AOC2: variants seen among roughly 807,000 people sequenced by gnomAD.
The protein encoded by AOC2 is amine oxidase copper containing 2.
In AOC2, 57 loss-of-function variants were observed where a neutral mutation model predicts 53.8. The ratio of observed to expected loss-of-function variants is 1.06; its 90% CI spans 0.86 to 1.32. AOC2 has a LOEUF of 1.32. AOC2 is among the 40% of genes most tolerant of loss of function. AOC2 has a pLI of 0.00. For synonymous variants in AOC2, 404 were observed against 399.0 expected, an observed-to-expected ratio of 1.01 and a Z score of -0.15; for missense variants, 1,008 against 957.2, an observed-to-expected ratio of 1.05 and a Z score of -0.70.
At chr17:42,848,065 C>CTTTTTTTTTTTTTTTTTTTTTTTTTTT in intron 1 of AOC2, among the ~76,000 whole-genome samples, 1 of 101,344 alleles carries the variant, frequency 9.9e-6, no homozygotes, top group African/African-American at 5.4e-5. Flanking sequence ...CATGCCCGGC[C>CTTTTTTTTTTTTTTTTTTTTTTTTTTT]TTTTTTTTTT....
At chr17:42,846,801 G>A (rs960313311) in intron 1 of AOC2, among the ~76,000 whole-genome samples, 5 of 152,178 alleles carry the variant, frequency 3.3e-5, no homozygotes, top group Non-Finnish European at 1.5e-5. Context: ...TGCAAGTATG[G>A]AAAGAGATTT....
rs748910015 is a variant in AOC2, at chr17:42,844,965, C to T, written c.339C>T (p.Ser113=). 3 of 1,610,302 alleles carry T rather than the reference C, an allele frequency of 1.9e-6. No individual in the cohort carries two copies. The highest frequency in any genetic ancestry group is 1.3e-5 in the African/African-American group (1 of 75,032). Reference sequence around the variant, plus strand: ...CCCTGGCCCACCTGGACAGGGGGAGCCCCCCACCTGCCCGGGAGGCACTGG... The same window carrying T: ...CCCTGGCCCACCTGGACAGGGGGAGTCCCCCACCTGCCCGGGAGGCACTGG... The part of the protein sequence containing the change: ...AAALAHLDRG[S]PPPAREALAI... Residue 113 remains serine, a synonymous_variant, in exon 1 of 4, where the codon AGC becomes AGT. Coordinates refer to ENST00000253799, the MANE Select transcript of AOC2 (RefSeq NM_009590.4).
At chr17:42,848,957 GCA>G in intron 1 of AOC2, 127 bp from the exon 2 acceptor site, 2 of 1,055,978 alleles carry the variant, frequency 1.9e-6, no homozygotes. Flanking sequence ...CTGGCTCCCA[GCA>G]CAGTGTGCTC....
Position 42,844,927 on chromosome 17 carries a change from C to A in AOC2, c.301C>A (p.Pro101Thr), listed in dbSNP as rs2055578757. Reference protein sequence around the residue: ...CIFSVELQLPPKAAALAHLDR... With the variant: ...CIFSVELQLPTKAAALAHLDR... ...CTTCTCAGTGGAGCTGCAGCTGCCC[C>A]CCAAGGCTGCAGCCCTGGCCCACCT... is the stretch of plus-strand genomic sequence containing the variant. The change falls in exon 1 of 4, where the codon CCC (proline) becomes ACC (threonine). Residue 101 changes from proline (P) to threonine (T), a missense_variant. Physicochemically the swap from Pro to Thr is conservative, Grantham distance 38. Coordinates refer to ENST00000253799, the MANE Select transcript of AOC2 (RefSeq NM_009590.4). 1 of 1,612,792 alleles carries A rather than the reference C, an allele frequency of 6.2e-7. No individual in the cohort carries two copies. The highest frequency in any genetic ancestry group is 8.5e-7 in the Non-Finnish European group (1 of 1,179,376).
chr17:42,849,577 C>T (rs756323606), intron 2 of AOC2, 24 bp from the exon 3 acceptor site: 2 of 1,614,166 alleles, frequency 1.2e-6, no homozygotes, highest in Non-Finnish European at 1.7e-6. Context: ...TTCCCAAAAC[C>T]ACCTTCTTAT....
Position 42,844,940 on chromosome 17 carries a change from C to T in AOC2, c.314C>T (p.Ala105Val). Residue 105 changes from alanine to valine, a missense_variant, in exon 1 of 4, where the codon GCC becomes GTC. Coordinates refer to ENST00000253799, the MANE Select transcript of AOC2 (RefSeq NM_009590.4). ...CTGCAGCTGCCCCCCAAGGCTGCAG[C>T]CCTGGCCCACCTGGACAGGGGGAGC... ...VELQLPPKAA[A>V]LAHLDRGSPP... is the part of the protein sequence containing the mutation. 6.2e-7 allele frequency: 1 copy of T among 1,612,500 alleles called. No individual in the cohort carries two copies. Among genetic ancestry groups the T allele is most frequent in the South Asian group, 1.1e-5 (1 of 90,966 alleles).
At position 42,850,401 on chromosome 17, in the gene AOC2, C is replaced by G. The variant is rs1175919409; in HGVS notation, c.*53C>G. On this transcript the variant is annotated 3_prime_UTR_variant, in exon 4 of 4. Coordinates refer to ENST00000253799, the MANE Select transcript of AOC2 (RefSeq NM_009590.4). ...TAGGCACATGTACTTTTCCCTGTTTCTACTTTCTATTCTCCGTGTTTTTAT... is the reference window on the plus strand; with the variant it reads ...TAGGCACATGTACTTTTCCCTGTTTGTACTTTCTATTCTCCGTGTTTTTAT... 6 of 1,515,882 alleles carry G rather than the reference C, an allele frequency of 4.0e-6. No individual in the cohort carries two copies. Among genetic ancestry groups the G allele is most frequent in the Non-Finnish European group, 5.3e-6 (6 of 1,131,806 alleles). 93.9% of individuals were successfully genotyped at this position (1,515,882 alleles called of 1,614,324 possible).
At position 42,845,202 on chromosome 17, in the gene AOC2, G is replaced by A. The variant is rs555116067; in HGVS notation, c.576G>A (p.Ser192=). The change falls in exon 1 of 4, where the codon TCG becomes TCA. Residue 192 remains serine, a synonymous_variant. Coordinates refer to ENST00000253799, the MANE Select transcript of AOC2 (RefSeq NM_009590.4). Reference sequence around the variant, plus strand: ...TACCCAAGGCACCCATCTTCCTGTCGTCCACCTTCAACTACAATGGCTCTA... The same window carrying A: ...TACCCAAGGCACCCATCTTCCTGTCATCCACCTTCAACTACAATGGCTCTA... ...VELPKAPIFL[S]STFNYNGSTL... 1.9e-5 allele frequency: 31 copies of A among 1,613,902 alleles called. No homozygotes were observed. The highest frequency in any genetic ancestry group is 9.9e-5 in the South Asian group (9 of 91,090).
At chr17:42,847,599 A>G (rs537027460) in intron 1 of AOC2, among the ~76,000 whole-genome samples, 32 of 152,150 alleles carry the variant, frequency 2.1e-4, no homozygotes, top group Admixed American at 5.9e-4. Context: ...TGGGAGGAGT[A>G]TGCAGGGGAC....
intron 1 of AOC2, among the ~76,000 whole-genome samples, 170 bp from the exon 2 acceptor site, chr17:42,848,916 G>C (rs957157927): frequency 6.6e-6 from 1 of 152,096 alleles, no homozygotes; most frequent in Non-Finnish European, 1.5e-5. Context: ...CAAGTTGGAA[G>C]AAGATAGGAG....
At position 42,846,082 on chromosome 17, in the gene AOC2, A is replaced by G. The variant is rs751827191; in HGVS notation, c.1456A>G (p.Thr486Ala). Residue 486 changes from threonine (T) to alanine (A), a missense_variant, in exon 1 of 4, where the codon ACG (threonine) becomes GCG (alanine). Physicochemically the swap from Thr to Ala is moderately conservative, Grantham distance 58 (BLOSUM62 0). Coordinates refer to ENST00000253799, the MANE Select transcript of AOC2 (RefSeq NM_009590.4). ...GGCACTTGAAGGGCGGGTCCATGCC[A>G]CGGGTTATATCAACACAGCTTTCCT... ...NGALEGRVHA[T>A]GYINTAFLKG... 1 of 1,606,488 alleles carries G rather than the reference A, an allele frequency of 6.2e-7. No homozygotes were observed. Among genetic ancestry groups the G allele is most frequent in the Non-Finnish European group, 8.5e-7 (1 of 1,174,898 alleles).
rs201194612 is a variant in AOC2, at chr17:42,844,929, C to A, written c.303C>A (p.Pro101=). The A allele has an allele frequency of 1.3e-5, 21 of 1,612,774 alleles. No individual in the cohort carries two copies. The highest frequency in any genetic ancestry group is 6.7e-5 in the Admixed American group (4 of 59,986). The change falls in exon 1 of 4, where the codon CCC becomes CCA. Residue 101 remains proline, a synonymous_variant. Transcript: ENST00000253799. Reference sequence around the variant, plus strand: ...TCTCAGTGGAGCTGCAGCTGCCCCCCAAGGCTGCAGCCCTGGCCCACCTGG... The same window carrying A: ...TCTCAGTGGAGCTGCAGCTGCCCCCAAAGGCTGCAGCCCTGGCCCACCTGG... ...CIFSVELQLP[P]KAAALAHLDR...
chr17:42,846,194 A>G lies in AOC2; in HGVS notation c.1568A>G (p.Lys523Arg). The change falls in exon 1 of 4, where the codon AAG becomes AGG. Residue 523 changes from lysine to arginine, a missense_variant. By Grantham distance (26) the Lys-to-Arg change is conservative (BLOSUM62 2). Coordinates refer to ENST00000253799, the MANE Select transcript of AOC2 (RefSeq NM_009590.4). The part of the protein sequence containing the change: ...GTVHTHAFHF[K>R]LDLDVAGLKN... ...GTGCACACACATGCCTTCCACTTCA[A>G]GCTGGACCTGGATGTGGCAGGTGAG... The G allele has an allele frequency of 3.3e-6, 5 of 1,516,704 alleles. No homozygotes were observed. The highest frequency in any genetic ancestry group is 4.4e-6 in the Non-Finnish European group (5 of 1,131,580). 94.0% of individuals were successfully genotyped at this position (1,516,704 alleles called of 1,614,324 possible). A position where few individuals can be genotyped will look rare whatever the true frequency, so the allele number is the denominator to read the frequency against.
At position 42,848,997 on chromosome 17, in the gene AOC2, C is replaced by G; in HGVS notation, c.1589-89C>G. The G allele has an allele frequency of 3.0e-6, 4 of 1,352,402 alleles. 1 individual carries two copies. The highest frequency in any genetic ancestry group is 2.0e-6 in the Non-Finnish European group (2 of 992,604). The allele number at this position is 1,352,402 out of a possible 1,614,324, so 83.8% of individuals were successfully genotyped here. A position where few individuals can be genotyped will look rare whatever the true frequency, so the allele number is the denominator to read the frequency against. On this transcript the variant is annotated intron_variant, in intron 1 of 3. Transcript: ENST00000253799. ...ATGCTCTCTCTGCCTTTTGTCACAC[C>G]AGTGCAGTGGACATCATGGGGAAGA...
intron 1 of AOC2, among the ~76,000 whole-genome samples, chr17:42,846,474 A>G (rs1388799834): frequency 1.3e-5 from 2 of 152,122 alleles, no homozygotes; most frequent in Admixed American, 1.3e-4. Context: ...TGATTGTGAA[A>G]CTAGTTTAAA....
chr17:42,849,494 G>A, intron 2 of AOC2, 107 bp from the exon 3 acceptor site: 1 of 1,589,412 alleles, frequency 6.3e-7, no homozygotes, highest in South Asian at 1.1e-5. Flanking sequence ...ACCCAAGTTA[G>A]ATACACGGTG....
chr17:42,846,624 AG>A (rs1485045438), intron 1 of AOC2, among the ~76,000 whole-genome samples: 20 of 152,116 alleles, frequency 1.3e-4, no homozygotes, highest in African/African-American at 4.8e-4. Flanking sequence ...TCCTGAGCCG[AG>A]GTCGGAAGAA....
rs775796940 is a variant in AOC2 at position 42,849,638 on chromosome 17, TCA to T, written c.1915_1916del (p.Gln639GlufsTer3). ...GGTGACCCAGAGAAAGGAGGAGGAG[TCA>T]CAGAGCAGTAGCATCTATCACCAGA... is the stretch of plus-strand genomic sequence containing the variant. ...LVVTQRKEEESQSSSIYHQND... is the reference protein window; with the variant it reads ...LVVTQRKEEEXQSSSIYHQND... On this transcript the variant is annotated frameshift_variant, in exon 3 of 4. Coordinates refer to ENST00000253799, the MANE Select transcript of AOC2 (RefSeq NM_009590.4). LOFTEE classifies it high-confidence loss of function. 7.4e-6 allele frequency: 12 copies of T among 1,613,658 alleles called. No homozygotes were observed. In the African/African-American group the frequency reaches 1.3e-4, roughly 18 times the overall value.
In AOC2 at chr17:42,844,777, G is replaced by A. The variant is rs1478180053; in HGVS notation, c.151G>A (p.Gly51Ser). The change falls in exon 1 of 4, where the codon GGC (glycine) becomes AGC (serine). Residue 51 changes from glycine to serine, a missense_variant. By Grantham distance (56) the Gly-to-Ser change is moderately conservative (BLOSUM62 0). Transcript: ENST00000253799. ...TAGGGCCCAGCCCTGGCCACACCCT[G>A]GCCAGAGCCAGCTGTTTGCAGACCT... Reference protein sequence around the residue: ...SHRAQPWPHPGQSQLFADLSR... With the variant: ...SHRAQPWPHPSQSQLFADLSR... The A allele has an allele frequency of 6.2e-7, 1 of 1,614,178 alleles. No individual in the cohort carries two copies. Among genetic ancestry groups the A allele is most frequent in the South Asian group, 1.1e-5 (1 of 91,090 alleles).
Sources: allele counts gnomAD v4.1 joint callset (sites outside exome capture counted in the v4.1 genomes callset), GRCh38; gene constraint gnomAD v4.1.1; transcripts MANE v1.5; gene names NCBI Gene and HGNC (gene_info 2026-07-23, HGNC 2026-07-21).